Variants in TRIM44 observed in about 807,000 individuals in gnomAD.
TRIM44 encodes the protein tripartite motif-containing protein 44.
Under a neutral mutation model 37.4 loss-of-function variants are expected in TRIM44, and 13 were observed. The observed-to-expected ratio is 0.35, with a 90% CI of 0.23 to 0.55. The LOEUF is 0.55. TRIM44 is among the 20% of genes least tolerant of loss of function. The pLI is 0.89. For missense variants in TRIM44, 426 were observed against 437.2 expected, an observed-to-expected ratio of 0.97 and a Z score of 0.23; for synonymous variants, 175 against 157.2, an observed-to-expected ratio of 1.11 and a Z score of -0.85.
chr11:35,764,612 G>C (rs1852769499), intron 4 of TRIM44, among the ~76,000 whole-genome samples: 2 of 152,124 alleles, frequency 1.3e-5, no homozygotes, highest in African/African-American at 4.8e-5. Flanking sequence ...GGCAGAACCC[G>C]TTCGGCATCA....
chr11:35,783,739 C>G (rs1403336080), intron 4 of TRIM44, among the ~76,000 whole-genome samples: 1 of 152,118 alleles, frequency 6.6e-6, no homozygotes, highest in Non-Finnish European at 1.5e-5. Context: ...AGAGCCTAGC[C>G]CCTTCCTGGA....
At chr11:35,767,897 GC>G (rs1852818255) in intron 4 of TRIM44, among the ~76,000 whole-genome samples, 1 of 152,182 alleles carries the variant, frequency 6.6e-6, no homozygotes, top group African/African-American at 2.4e-5. Context: ...AACTATGTAG[GC>G]CCCTGATGGT....
chr11:35,723,404 C>A (rs1852132793), intron 2 of TRIM44, among the ~76,000 whole-genome samples: 2 of 152,190 alleles, frequency 1.3e-5, no homozygotes, highest in Admixed American at 6.5e-5. Context: ...GCAACTATAA[C>A]AAAGATATAT....
At chr11:35,695,869 A>G (rs537228866) in intron 2 of TRIM44, among the ~76,000 whole-genome samples, 1 of 151,636 alleles carries the variant, frequency 6.6e-6, no homozygotes, top group Non-Finnish European at 1.5e-5. Context: ...TCACTAAAAT[A>G]TAATCTGAAG....
Position 35,754,521 on chromosome 11 carries a change from A to G in TRIM44, c.1007+19076A>G, listed in dbSNP as rs148054062. On this transcript the variant is annotated intron_variant, in intron 4 of 4. Transcript: ENST00000299413. ...ATAGTTTATTTTTATTTTTTTTATTATACTTTAAGTTTTAGGGTACATGTG... is the reference window on the plus strand; with the variant it reads ...ATAGTTTATTTTTATTTTTTTTATTGTACTTTAAGTTTTAGGGTACATGTG... Among the ~76,000 whole-genome samples the G allele has an allele frequency of 1.5e-3, 230 of 151,806 alleles. 1 individual carries two copies. Among genetic ancestry groups the G allele is most frequent in the African/African-American group, 5.3e-3 (218 of 41,340 alleles).
At chr11:35,670,496 G>C (rs987406066) in intron 1 of TRIM44, among the ~76,000 whole-genome samples, 3 of 152,146 alleles carry the variant, frequency 2.0e-5, no homozygotes, top group African/African-American at 7.2e-5. Context: ...GGTGAAACTG[G>C]AGTTACAAGG....
rs1002333924 is a variant in TRIM44 at position 35,663,657 on chromosome 11, T to C, written c.546T>C (p.His182=). ...ERVAKRKCPD[H]GLDLSTYCQE... The stretch of plus-strand genomic sequence containing the variant: ...TGGCCAAGAGGAAGTGTCCGGACCA[T>C]GGGCTTGATTTGAGTACCTATTGCC... The change falls in exon 1 of 5, where the codon CAT becomes CAC. Residue 182 remains histidine, a synonymous_variant. Coordinates refer to ENST00000299413, the MANE Select transcript of TRIM44 (RefSeq NM_017583.6). 5 of 1,614,020 alleles carry C rather than the reference T, an allele frequency of 3.1e-6. No homozygotes were observed. The African/African-American group carries it at 6.7e-5, about 22-fold the overall frequency.
chr11:35,666,449 A>G (rs1369443777), intron 1 of TRIM44, among the ~76,000 whole-genome samples: 3 of 152,206 alleles, frequency 2.0e-5, no homozygotes, highest in Non-Finnish European at 4.4e-5. Context: ...ATAAGCCAAT[A>G]TAGGGAGAAT....
intron 1 of TRIM44, among the ~76,000 whole-genome samples, chr11:35,679,745 A>T (rs2135487886): frequency 6.6e-6 from 1 of 152,114 alleles, no homozygotes; most frequent in Admixed American, 6.5e-5. Context: ...CTAACTTAAA[A>T]CTCTTAGTGG....
intron 4 of TRIM44, among the ~76,000 whole-genome samples, chr11:35,795,492 G>A (rs1341065025): frequency 6.6e-6 from 1 of 151,988 alleles, no homozygotes; most frequent in Admixed American, 6.6e-5. Context: ...TGGACTCAGT[G>A]GGATAGGGAG....
chr11:35,746,903 G>T (rs545238751), intron 4 of TRIM44, among the ~76,000 whole-genome samples: 1 of 152,246 alleles, frequency 6.6e-6, no homozygotes, highest in East Asian at 1.9e-4. Flanking sequence ...GTTCCCTGTA[G>T]GTTCGCAATG....
intron 1 of TRIM44, among the ~76,000 whole-genome samples, chr11:35,680,386 A>G (rs1851508929): frequency 6.6e-6 from 1 of 152,086 alleles, no homozygotes; most frequent in Admixed American, 6.6e-5. Context: ...TACCTATGTC[A>G]CTCATAGAAA....
chr11:35,789,468 A>G (rs1004662638), intron 4 of TRIM44, among the ~76,000 whole-genome samples: 3 of 148,512 alleles, frequency 2.0e-5, no homozygotes, highest in Non-Finnish European at 3.0e-5. Context: ...TTTTACATTC[A>G]TTAAGCACCT....
chr11:35,688,993 A>AT (rs1181745439), intron 2 of TRIM44, among the ~76,000 whole-genome samples: 1 of 152,232 alleles, frequency 6.6e-6, no homozygotes, highest in Non-Finnish European at 1.5e-5. Context: ...AAAAAGGTAG[A>AT]TAAAAATCTA....
intron 4 of TRIM44, among the ~76,000 whole-genome samples, chr11:35,756,806 G>A (rs1456475886): frequency 2.6e-5 from 4 of 152,168 alleles, no homozygotes; most frequent in Admixed American, 1.3e-4. Context: ...GCTGGATTAC[G>A]TTTATTGATG....
intron 2 of TRIM44, among the ~76,000 whole-genome samples, chr11:35,712,542 CA>C (rs1851988493): frequency 2.0e-5 from 3 of 152,136 alleles, no homozygotes; most frequent in South Asian, 2.1e-4. Flanking sequence ...CTAAGGTGGG[CA>C]TGGTTTCCAA....
intron 1 of TRIM44, among the ~76,000 whole-genome samples, chr11:35,672,714 AG>A (rs1564940875): frequency 6.6e-6 from 1 of 152,174 alleles, no homozygotes; most frequent in Non-Finnish European, 1.5e-5. Flanking sequence ...CATAGTGGTC[AG>A]TGAATCTGGC....
At chr11:35,722,530 G>A (rs972373707) in intron 2 of TRIM44, among the ~76,000 whole-genome samples, 1 of 152,186 alleles carries the variant, frequency 6.6e-6, no homozygotes, top group African/African-American at 2.4e-5. Flanking sequence ...GCTAAGCAAG[G>A]GGTGGATTAT....
intron 2 of TRIM44, among the ~76,000 whole-genome samples, chr11:35,720,139 C>T (rs1487235805): frequency 6.6e-6 from 1 of 152,182 alleles, no homozygotes; most frequent in African/African-American, 2.4e-5. Flanking sequence ...GACCTGACAT[C>T]TTGACAATAT....
Sources: gnomAD v4.1 joint callset for allele counts (sites outside exome capture counted in the v4.1 genomes callset) on GRCh38, gnomAD v4.1.1 for gene constraint, MANE v1.5 for transcripts, NCBI Gene and HGNC (gene_info 2026-07-23, HGNC 2026-07-21) for gene names.